Variants in RNF169 observed in about 807,000 individuals in gnomAD.
The protein encoded by RNF169 is ring finger protein 169.
RNF169 carries 24 observed loss-of-function variants against 53.9 expected under a neutral mutation model. That is an observed-to-expected ratio of 0.45 (90% CI 0.32 to 0.63). RNF169 has a LOEUF of 0.63. Ranked by LOEUF, RNF169 falls within the 20% of genes least tolerant of loss-of-function variation. The pLI, the probability that RNF169 is intolerant of heterozygous loss-of-function variation, is 0.04. For synonymous variants in RNF169, 396 were observed against 363.5 expected, an observed-to-expected ratio of 1.09 and a Z score of -1.02; for missense variants, 883 against 906.2, an observed-to-expected ratio of 0.97 and a Z score of 0.33.
rs1405372030 is a variant in RNF169 at position 74,842,339 on chromosome 11, T to A, written c.*5609T>A. On this transcript the variant is annotated 3_prime_UTR_variant, in exon 6 of 6. Coordinates refer to ENST00000299563, the MANE Select transcript of RNF169 (RefSeq NM_001098638.2). Reference sequence around the variant, plus strand: ...GTTATTTAAACAGTACCAAAGTGCATTCTTCAATGTATGTTTGCCTGCTTG... The same window carrying A: ...GTTATTTAAACAGTACCAAAGTGCAATCTTCAATGTATGTTTGCCTGCTTG... The A allele has an allele frequency of 6.6e-6, 1 of 152,256 alleles. No homozygotes were observed. The highest frequency in any genetic ancestry group is 1.5e-5 in the Non-Finnish European group (1 of 68,052). The allele number at this position is 152,256 out of a possible 1,614,324, so 9.4% of individuals were successfully genotyped here. A position where few individuals can be genotyped will look rare whatever the true frequency, so the allele number is the denominator to read the frequency against.
chr11:74,832,862 G>GT (rs1177618583), intron 4 of RNF169, among the ~76,000 whole-genome samples: 1 of 152,126 alleles, frequency 6.6e-6, no homozygotes, highest in African/African-American at 2.4e-5. Context: ...GCCACTGACA[G>GT]TTTCTGTGAC....
At chr11:74,754,610 C>T (rs1242432936) in intron 1 of RNF169, among the ~76,000 whole-genome samples, 1 of 152,106 alleles carries the variant, frequency 6.6e-6, no homozygotes, top group Non-Finnish European at 1.5e-5. Flanking sequence ...CAGTTGTGGC[C>T]AGGAGTTTGA....
In RNF169 at chr11:74,836,275, A is replaced by C; in HGVS notation, c.1672A>C (p.Lys558Gln). The C allele has an allele frequency of 1.2e-6, 2 of 1,614,236 alleles. No homozygotes were observed. Among genetic ancestry groups the C allele is most frequent in the Non-Finnish European group, 1.7e-6 (2 of 1,180,040 alleles). ...FEGLGSTPDA[K>Q]LDKTCISRAM... Reference sequence around the variant, plus strand: ...GGGGTTAGGGTCAACTCCAGATGCCAAGTTAGACAAAACCTGTATAAGCAG... The same window carrying C: ...GGGGTTAGGGTCAACTCCAGATGCCCAGTTAGACAAAACCTGTATAAGCAG... Residue 558 changes from lysine (K) to glutamine (Q), a missense_variant, in exon 6 of 6, where the codon AAG (lysine) becomes CAG (glutamine). By Grantham distance (53) the Lys-to-Gln change is moderately conservative. Coordinates refer to ENST00000299563, the MANE Select transcript of RNF169 (RefSeq NM_001098638.2).
intron 4 of RNF169, chr11:74,832,462 C>G (rs2036193994): frequency 6.6e-6 from 1 of 152,006 alleles, no homozygotes; most frequent in Admixed American, 6.6e-5. Flanking sequence ...CAGTGACTTT[C>G]AATTTGACTG....
At chr11:74,812,422 G>A (rs1410140475) in intron 3 of RNF169, among the ~76,000 whole-genome samples, 1 of 152,116 alleles carries the variant, frequency 6.6e-6, no homozygotes, top group African/African-American at 2.4e-5. Context: ...AGCCTCCCAA[G>A]TAGGTGGGAC....
intron 2 of RNF169, 58 bp downstream of exon 2, chr11:74,789,757 G>A: frequency 2.6e-6 from 3 of 1,164,360 alleles, no homozygotes; most frequent in Non-Finnish European, 2.5e-6. Flanking sequence ...TGACATTAAA[G>A]AATGCTTAGT....
At chr11:74,790,706 G>C (rs765286691) in intron 2 of RNF169, among the ~76,000 whole-genome samples, 3 of 152,240 alleles carry the variant, frequency 2.0e-5, no homozygotes, top group Non-Finnish European at 4.4e-5. Context: ...GGAGCTCCAG[G>C]TGCTGGCATG....
At chr11:74,785,933 T>C (rs933432173) in intron 1 of RNF169, among the ~76,000 whole-genome samples, 1 of 148,882 alleles carries the variant, frequency 6.7e-6, no homozygotes, top group Non-Finnish European at 1.5e-5. Flanking sequence ...TTATCTTTGT[T>C]TTCTTTTCTT....
chr11:74,812,102 AT>A (rs536804723), intron 3 of RNF169, among the ~76,000 whole-genome samples: 1 of 152,180 alleles, frequency 6.6e-6, no homozygotes, highest in East Asian at 1.9e-4. Flanking sequence ...TGCCACTACC[AT>A]TTTTGAAATA....
At chr11:74,802,798 G>C (rs1215447529) in intron 2 of RNF169, among the ~76,000 whole-genome samples, 1 of 152,064 alleles carries the variant, frequency 6.6e-6, no homozygotes, top group Non-Finnish European at 1.5e-5. Context: ...ATTGAACACA[G>C]ACCCTGTATC....
Position 74,748,862 on chromosome 11 carries a change from C to G in RNF169, c.-19C>G, listed in dbSNP as rs1178547972. ...CTCTTCTCCCTCGCAACCGACTCTC[C>G]CTTCAAACGGGAAACAAGATGGCGG... On this transcript the variant is annotated 5_prime_UTR_variant, in exon 1 of 6. Transcript: ENST00000299563. 7.2e-7 allele frequency: 1 copy of G among 1,389,522 alleles called. No individual in the cohort carries two copies. Among genetic ancestry groups the G allele is most frequent in the Admixed American group, 2.8e-5 (1 of 35,556 alleles). The allele number at this position is 1,389,522 out of a possible 1,614,324, so 86.1% of individuals were successfully genotyped here.
At chr11:74,787,946 CTT>C (rs1293042143) in intron 1 of RNF169, among the ~76,000 whole-genome samples, 1 of 151,936 alleles carries the variant, frequency 6.6e-6, no homozygotes, top group Non-Finnish European at 1.5e-5. Flanking sequence ...TATCTTCTCT[CTT>C]TTTTTTCTTA....
At chr11:74,770,141 A>G (rs548783498) in intron 1 of RNF169, among the ~76,000 whole-genome samples, 25 of 152,242 alleles carry the variant, frequency 1.6e-4, no homozygotes, top group Non-Finnish European at 3.5e-4. Flanking sequence ...AATAGAGTGC[A>G]TGAAAAAGGG....
At chr11:74,786,337 G>T (rs1427696230) in intron 1 of RNF169, among the ~76,000 whole-genome samples, 1 of 151,298 alleles carries the variant, frequency 6.6e-6, no homozygotes, top group East Asian at 1.9e-4. Context: ...GGCTCGAGCA[G>T]TCCTTCTGCC....
chr11:74,785,440 CAAAA>C (rs892203997), intron 1 of RNF169, among the ~76,000 whole-genome samples: 1 of 146,084 alleles, frequency 6.8e-6, no homozygotes, highest in African/African-American at 2.5e-5. Context: ...TGCAAGCCCA[CAAAA>C]AAAAAGTGAG....
intron 2 of RNF169, among the ~76,000 whole-genome samples, chr11:74,790,272 G>C (rs1374665863): frequency 6.6e-6 from 1 of 152,198 alleles, no homozygotes; most frequent in Non-Finnish European, 1.5e-5. Context: ...CTGGTAATAA[G>C]AAGTATGTTG....
chr11:74,805,216 T>C (rs983844096), intron 2 of RNF169, among the ~76,000 whole-genome samples: 1 of 152,244 alleles, frequency 6.6e-6, no homozygotes, highest in Non-Finnish European at 1.5e-5. Context: ...GAGTGTCTTA[T>C]TAGTAAACTC....
intron 1 of RNF169, among the ~76,000 whole-genome samples, chr11:74,780,903 A>G (rs2035407772): frequency 6.6e-6 from 1 of 152,228 alleles, no homozygotes; most frequent in Non-Finnish European, 1.5e-5. Context: ...CAAAAATTGT[A>G]GTTCAGAGCT....
chr11:74,822,218 C>T (rs1018612482), intron 4 of RNF169, among the ~76,000 whole-genome samples: 1 of 151,992 alleles, frequency 6.6e-6, no homozygotes, highest in African/African-American at 2.4e-5. Flanking sequence ...GAGTAATGAG[C>T]AAGCAATTGA....
Sources: gnomAD v4.1 joint callset for allele counts (sites outside exome capture counted in the v4.1 genomes callset) on GRCh38, gnomAD v4.1.1 for gene constraint, MANE v1.5 for transcripts, NCBI Gene and HGNC (gene_info 2026-07-23, HGNC 2026-07-21) for gene names.